The following CACNA2D3 variants were observed in gnomAD, a reference collection of about 807,000 sequenced individuals.
The protein encoded by CACNA2D3 is calcium voltage-gated channel auxiliary subunit alpha2delta 3.
Under a neutral mutation model 160.6 loss-of-function variants are expected in CACNA2D3, and 60 were observed. The observed-to-expected ratio is 0.37, with a 90% confidence interval of 0.30 to 0.46. The LOEUF is 0.46. Among genes scored for constraint, CACNA2D3 ranks in the 20% least tolerant of loss-of-function variants. CACNA2D3 has a pLI of 1.00. For missense variants in CACNA2D3, 1,205 were observed against 1,365.0 expected, an observed-to-expected ratio of 0.88 and a Z score of 1.85; for synonymous variants, 558 against 492.9, an observed-to-expected ratio of 1.13 and a Z score of -1.75.
At chr3:54,220,322 T>C (rs949087513) in intron 2 of CACNA2D3, among the ~76,000 whole-genome samples, 4 of 152,248 alleles carry the variant, frequency 2.6e-5, no homozygotes, top group African/African-American at 9.6e-5. Flanking sequence ...GTGTGATTAT[T>C]ATCTAACATT....
chr3:54,555,856 A>G (rs906115343), intron 5 of CACNA2D3, among the ~76,000 whole-genome samples: 1 of 152,238 alleles, frequency 6.6e-6, no homozygotes, highest in South Asian at 2.1e-4. Flanking sequence ...GCATTGATAC[A>G]TACACTTGAC....
intron 4 of CACNA2D3, among the ~76,000 whole-genome samples, chr3:54,417,762 G>A (rs1028006217): frequency 2.4e-5 from 3 of 126,372 alleles, no homozygotes; most frequent in Non-Finnish European, 4.7e-5. Flanking sequence ...AGGGGTTCAT[G>A]TTTGTTGTGG....
chr3:54,208,950 C>T (rs1304782068), intron 2 of CACNA2D3, among the ~76,000 whole-genome samples: 1 of 152,072 alleles, frequency 6.6e-6, no homozygotes. Flanking sequence ...TACATGGTGG[C>T]AGACAAGAAA....
chr3:54,684,401 C>A (rs1057212867), intron 11 of CACNA2D3, among the ~76,000 whole-genome samples: 12 of 152,172 alleles, frequency 7.9e-5, no homozygotes, highest in African/African-American at 2.9e-4. Flanking sequence ...AGGACCTCAA[C>A]ATATCTTTTT....
At chr3:54,179,007 T>C (rs994315348) in intron 2 of CACNA2D3, among the ~76,000 whole-genome samples, 1 of 152,186 alleles carries the variant, frequency 6.6e-6, no homozygotes, top group African/African-American at 2.4e-5. Context: ...AGTTGGTGGC[T>C]GACAGTACCC....
At chr3:54,994,918 C>T (rs1399989810) in intron 31 of CACNA2D3, among the ~76,000 whole-genome samples, 8 of 152,120 alleles carry the variant, frequency 5.3e-5, no homozygotes, top group Non-Finnish European at 1.0e-4. Flanking sequence ...TTTCTTTTTA[C>T]ATTCATATTT....
intron 3 of CACNA2D3, among the ~76,000 whole-genome samples, chr3:54,338,613 AG>A (rs1704449180): frequency 6.6e-6 from 1 of 151,944 alleles, no homozygotes; most frequent in South Asian, 2.1e-4. Flanking sequence ...GGCATTCCCC[AG>A]CATGCTGTCC....
At chr3:54,808,959 G>A (rs1435421210) in intron 13 of CACNA2D3, among the ~76,000 whole-genome samples, 2 of 152,130 alleles carry the variant, frequency 1.3e-5, no homozygotes, top group Admixed American at 6.5e-5. Flanking sequence ...ACAGCAAACT[G>A]TTATGGGCCA....
chr3:54,437,821 G>A (rs1700082989), intron 4 of CACNA2D3, among the ~76,000 whole-genome samples: 1 of 152,188 alleles, frequency 6.6e-6, no homozygotes, highest in Admixed American at 6.5e-5. Context: ...CCAAGTGGAT[G>A]GTGACCAGAG....
At chr3:54,850,714 T>C (rs879453040) in intron 17 of CACNA2D3, among the ~76,000 whole-genome samples, 1 of 152,182 alleles carries the variant, frequency 6.6e-6, no homozygotes, top group Admixed American at 6.5e-5. Flanking sequence ...ATGGCAGGGT[T>C]CCACAGAGGA....
chr3:54,858,285 A>G (rs969618083), intron 17 of CACNA2D3, among the ~76,000 whole-genome samples: 1 of 152,090 alleles, frequency 6.6e-6, no homozygotes, highest in African/African-American at 2.4e-5. Flanking sequence ...CAAGGCTGGG[A>G]TGTGAGTGCT....
At chr3:55,044,124 T>C (rs895812731) in intron 35 of CACNA2D3, among the ~76,000 whole-genome samples, 3 of 152,194 alleles carry the variant, frequency 2.0e-5, no homozygotes, top group South Asian at 4.1e-4. Context: ...TAAAATACGC[T>C]TGTCTAGAAA....
chr3:54,487,024 C>A (rs190052921), intron 4 of CACNA2D3, among the ~76,000 whole-genome samples: 41 of 152,306 alleles, frequency 2.7e-4, no homozygotes, highest in African/African-American at 9.6e-4. Context: ...TCCTTTTCCT[C>A]CTACTCTAGA....
intron 2 of CACNA2D3, among the ~76,000 whole-genome samples, chr3:54,296,788 GAA>G (rs1200280484): frequency 6.6e-6 from 1 of 152,190 alleles, no homozygotes; most frequent in Non-Finnish European, 1.5e-5. Flanking sequence ...CCAACTGAGA[GAA>G]GGAGACAAAT....
chr3:54,986,348 T>C (rs114071219), intron 30 of CACNA2D3, among the ~76,000 whole-genome samples: 5,621 of 152,262 alleles, frequency 0.037, 149 homozygotes, highest in Middle Eastern at 0.085. Flanking sequence ...GCTTGTTTGA[T>C]GTTGTCTGAC....
chr3:54,504,734 A>T (rs1051335137), intron 5 of CACNA2D3, among the ~76,000 whole-genome samples: 1 of 152,182 alleles, frequency 6.6e-6, no homozygotes, highest in African/African-American at 2.4e-5. Flanking sequence ...GTCAAGAGCA[A>T]GGGCTATGGG....
At chr3:54,166,410 T>A (rs1396220159) in intron 2 of CACNA2D3, among the ~76,000 whole-genome samples, 1 of 152,168 alleles carries the variant, frequency 6.6e-6, no homozygotes, top group Non-Finnish European at 1.5e-5. Flanking sequence ...ATCCTATGAA[T>A]AAAGAAGAAA....
At chr3:54,940,605 C>G (rs534935285) in intron 27 of CACNA2D3, among the ~76,000 whole-genome samples, 2 of 152,080 alleles carry the variant, frequency 1.3e-5, no homozygotes, top group Non-Finnish European at 1.5e-5. Flanking sequence ...ACAGGCTACT[C>G]CCAAACTGTC....
intron 4 of CACNA2D3, among the ~76,000 whole-genome samples, chr3:54,400,226 T>C (rs1003551263): frequency 1.3e-5 from 2 of 149,864 alleles, no homozygotes; most frequent in Non-Finnish European, 3.0e-5. Flanking sequence ...ATGAACCCGG[T>C]ACCTCAGATG....
Sources: allele counts gnomAD v4.1 joint callset (sites outside exome capture counted in the v4.1 genomes callset), GRCh38; gene constraint gnomAD v4.1.1; transcripts MANE v1.5; gene names NCBI Gene and HGNC (gene_info 2026-07-23, HGNC 2026-07-21).